Variants in CLSTN2 observed in about 807,000 individuals in gnomAD.
CLSTN2 encodes the protein calsyntenin 2.
CLSTN2 carries 48 observed loss-of-function variants against 101.2 expected under a neutral mutation model. The observed-to-expected ratio is 0.47, with a 90% CI of 0.38 to 0.60. The LOEUF is 0.60. Ranked by LOEUF, CLSTN2 falls within the 20% of genes least tolerant of loss-of-function variation. The pLI is 0.00. For missense variants in CLSTN2, 1,160 were observed against 1,238.2 expected, an observed-to-expected ratio of 0.94 and a Z score of 0.95; for synonymous variants, 481 against 463.6, an observed-to-expected ratio of 1.04 and a Z score of -0.48.
chr3:140,556,898 A>G, intron 11 of CLSTN2: 1 of 498,120 alleles, frequency 2.0e-6, no homozygotes, highest in Non-Finnish European at 3.6e-6. Context: ...TATCTTATCT[A>G]ATGCCTAGAA....
rs191108996 is a variant in CLSTN2 at position 140,087,826 on chromosome 3, T to C, written c.110-88125T>C. Reference sequence around the variant, plus strand: ...TTAAGTGGATAAGTTGTTTGTAGCATGGAAGGAAATAGAGGTGAGGAGTTT... The same window carrying C: ...TTAAGTGGATAAGTTGTTTGTAGCACGGAAGGAAATAGAGGTGAGGAGTTT... On this transcript the variant is annotated intron_variant, in intron 1 of 16. Coordinates refer to ENST00000458420, the MANE Select transcript of CLSTN2 (RefSeq NM_022131.3). 1.8e-3 allele frequency among the ~76,000 whole-genome samples: 272 copies of C among 152,200 alleles called. 3 individuals are homozygous for C. Among genetic ancestry groups the C allele is most frequent in the African/African-American group, 6.4e-3 (264 of 41,516 alleles).
chr3:140,006,594 G>T (rs1413445109), intron 1 of CLSTN2, among the ~76,000 whole-genome samples: 1 of 152,142 alleles, frequency 6.6e-6, no homozygotes, highest in Admixed American at 6.5e-5. Flanking sequence ...TCCACAGCAC[G>T]CTGGTATTTC....
rs368184986 is a variant in CLSTN2, at chr3:140,421,110, A to T, written c.638-15A>T. 4 of 1,611,534 alleles carry T rather than the reference A, an allele frequency of 2.5e-6. No individual in the cohort carries two copies. The highest frequency in any genetic ancestry group is 2.7e-5 in the African/African-American group (2 of 74,868). On this transcript the variant is annotated splice_polypyrimidine_tract_variant and intron_variant, in intron 4 of 16. Coordinates refer to ENST00000458420, the MANE Select transcript of CLSTN2 (RefSeq NM_022131.3). ...AAATTGACCTGAAATGCTTTTGAAC[A>T]TCTCTGTTCCTCAGGCAACATCAGG...
At chr3:139,976,059 C>T (rs1935811931) in intron 1 of CLSTN2, among the ~76,000 whole-genome samples, 1 of 152,196 alleles carries the variant, frequency 6.6e-6, no homozygotes, top group African/African-American at 2.4e-5. Context: ...CTACCATAAC[C>T]CCCATGGGCA....
intron 1 of CLSTN2, among the ~76,000 whole-genome samples, chr3:140,124,273 G>A (rs2009394247): frequency 6.6e-6 from 1 of 152,006 alleles, no homozygotes; most frequent in Non-Finnish European, 1.5e-5. Context: ...AGGAAAGCAG[G>A]GCCCAGATCA....
At chr3:140,424,286 G>T (rs2088538038) in intron 5 of CLSTN2, among the ~76,000 whole-genome samples, 1 of 152,186 alleles carries the variant, frequency 6.6e-6, no homozygotes, top group South Asian at 2.1e-4. Context: ...TGCCCCAGTA[G>T]ACTTCCAGAT....
chr3:140,030,457 G>C (rs1315319804), intron 1 of CLSTN2, among the ~76,000 whole-genome samples: 4 of 152,090 alleles, frequency 2.6e-5, no homozygotes, highest in Non-Finnish European at 5.9e-5. Context: ...AGGGGTGGGG[G>C]TGGTTCATTC....
At chr3:140,344,645 G>GC (rs2087525027) in intron 2 of CLSTN2, among the ~76,000 whole-genome samples, 1 of 152,078 alleles carries the variant, frequency 6.6e-6, no homozygotes, top group Non-Finnish European at 1.5e-5. Flanking sequence ...CCAGCTAGTG[G>GC]CCACCTCCCC....
At chr3:140,063,300 G>A (rs2008237724) in intron 1 of CLSTN2, among the ~76,000 whole-genome samples, 2 of 152,206 alleles carry the variant, frequency 1.3e-5, no homozygotes, top group Admixed American at 1.3e-4. Context: ...CTCCAGTAGT[G>A]AACCCTGGGC....
intron 8 of CLSTN2, among the ~76,000 whole-genome samples, chr3:140,475,293 A>C (rs1933957480): frequency 6.6e-6 from 1 of 152,210 alleles, no homozygotes; most frequent in Non-Finnish European, 1.5e-5. Flanking sequence ...CCCAATGTTG[A>C]TGGAGCATAT....
chr3:140,340,005 C>T (rs780375514), intron 2 of CLSTN2, among the ~76,000 whole-genome samples: 2 of 152,202 alleles, frequency 1.3e-5, no homozygotes, highest in Non-Finnish European at 2.9e-5. Context: ...CCCCAGTTTT[C>T]TCTCCTGAAA....
intron 4 of CLSTN2, among the ~76,000 whole-genome samples, chr3:140,406,904 T>G (rs948559751): frequency 6.6e-6 from 1 of 152,246 alleles, no homozygotes; most frequent in Non-Finnish European, 1.5e-5. Flanking sequence ...GCCCCAGTCA[T>G]GAAGATAATT....
chr3:140,470,505 C>T (rs1933816682), intron 8 of CLSTN2, among the ~76,000 whole-genome samples: 1 of 152,128 alleles, frequency 6.6e-6, no homozygotes, highest in South Asian at 2.1e-4. Flanking sequence ...GGCGTGTGAG[C>T]TCTCAGTGTG....
At chr3:140,311,743 C>G (rs969442237) in intron 2 of CLSTN2, among the ~76,000 whole-genome samples, 1 of 152,162 alleles carries the variant, frequency 6.6e-6, no homozygotes, top group Non-Finnish European at 1.5e-5. Context: ...AAGTGAGACA[C>G]GAGACATGGG....
rs182107843 is a variant in CLSTN2 at position 140,437,488 on chromosome 3, C to T, written c.788-11031C>T. 3.4e-3 allele frequency among the ~76,000 whole-genome samples: 517 copies of T among 152,324 alleles called. 5 individuals are homozygous for T. The highest frequency in any genetic ancestry group is 0.012 in the African/African-American group (495 of 41,572). Reference sequence around the variant, plus strand: ...CAGTATGTCATCCCTTCTCAAATTCCAAGGCTTTTGCTCCTCAGGCTCTCA... The same window carrying T: ...CAGTATGTCATCCCTTCTCAAATTCTAAGGCTTTTGCTCCTCAGGCTCTCA... On this transcript the variant is annotated intron_variant, in intron 5 of 16. Coordinates refer to ENST00000458420, the MANE Select transcript of CLSTN2 (RefSeq NM_022131.3).
At chr3:140,435,449 T>C (rs1254287089) in intron 5 of CLSTN2, among the ~76,000 whole-genome samples, 3 of 152,252 alleles carry the variant, frequency 2.0e-5, no homozygotes, top group African/African-American at 7.2e-5. Context: ...ATACCACATT[T>C]GCTGTATCCA....
At chr3:140,165,442 G>A (rs2010120409) in intron 1 of CLSTN2, among the ~76,000 whole-genome samples, 2 of 152,312 alleles carry the variant, frequency 1.3e-5, no homozygotes, top group South Asian at 4.1e-4. Flanking sequence ...CGGTCAAGGG[G>A]CCTCAGGGTT....
intron 2 of CLSTN2, among the ~76,000 whole-genome samples, chr3:140,248,551 G>A (rs1271070603): frequency 6.6e-6 from 1 of 152,148 alleles, no homozygotes; most frequent in East Asian, 1.9e-4. Flanking sequence ...GTGCACCTAG[G>A]AAGACAATCG....
chr3:140,068,891 C>T (rs1365279073), intron 1 of CLSTN2, among the ~76,000 whole-genome samples: 1 of 152,214 alleles, frequency 6.6e-6, no homozygotes, highest in Non-Finnish European at 1.5e-5. Context: ...ATCATACTGT[C>T]TGGTTCAGAT....
Sources: gnomAD v4.1 joint callset for allele counts (sites outside exome capture counted in the v4.1 genomes callset) on GRCh38, gnomAD v4.1.1 for gene constraint, MANE v1.5 for transcripts, NCBI Gene and HGNC (gene_info 2026-07-23, HGNC 2026-07-21) for gene names.